Variants in DEPTOR observed in about 807,000 individuals in gnomAD.
DEPTOR encodes the protein DEP domain-containing mTOR-interacting protein.
DEPTOR carries 41 observed loss-of-function variants against 41.6 expected under a neutral mutation model. The observed-to-expected ratio is 0.98, with a 90% confidence interval of 0.77 to 1.28. The LOEUF (loss-of-function observed/expected upper bound fraction) is 1.28. DEPTOR is among the 50% of genes most tolerant of loss of function. DEPTOR has a pLI of 0.00. For missense variants in DEPTOR, 514 were observed against 527.9 expected, an observed-to-expected ratio of 0.97 and a Z score of 0.26; for synonymous variants, 195 against 192.3, an observed-to-expected ratio of 1.01 and a Z score of -0.12.
At chr8:120,031,587 A>G (rs182597479) in intron 8 of DEPTOR, among the ~76,000 whole-genome samples, 3 of 152,148 alleles carry the variant, frequency 2.0e-5, no homozygotes, top group East Asian at 1.9e-4. Flanking sequence ...ACTGCACCCC[A>G]TGCTTCCTCA....
intron 1 of DEPTOR, among the ~76,000 whole-genome samples, chr8:119,893,521 G>A (rs186676750): frequency 6.6e-6 from 1 of 152,262 alleles, no homozygotes; most frequent in African/African-American, 2.4e-5. Context: ...GTTGGTGGAT[G>A]AATCTCATAA....
chr8:120,040,000 C>T (rs1170520333), intron 8 of DEPTOR, among the ~76,000 whole-genome samples: 9 of 151,968 alleles, frequency 5.9e-5, no homozygotes, highest in South Asian at 2.1e-4. Context: ...CATGCCACCA[C>T]GCCTGGCTAA....
At chr8:119,998,639 A>G (rs1443209921) in intron 4 of DEPTOR, among the ~76,000 whole-genome samples, 2 of 152,210 alleles carry the variant, frequency 1.3e-5, no homozygotes, top group East Asian at 1.9e-4. Context: ...AGCTCCAAGA[A>G]TCATGAACTC....
At chr8:119,883,565 A>T (rs918189569) in intron 1 of DEPTOR, among the ~76,000 whole-genome samples, 61 of 151,970 alleles carry the variant, frequency 4.0e-4, no homozygotes, top group African/African-American at 1.4e-3. Flanking sequence ...AAAGGGAACA[A>T]ATGTCATGGC....
rs1812381614 is a variant in DEPTOR at position 120,003,127 on chromosome 8, G to A, written c.925+16G>A. 2 of 1,609,426 alleles carry A rather than the reference G, an allele frequency of 1.2e-6. No individual in the cohort carries two copies. The highest frequency in any genetic ancestry group is 1.3e-5 in the African/African-American group (1 of 74,958). On this transcript the variant is annotated intron_variant, in intron 6 of 8. Transcript: ENST00000286234. ...CCCAAGTCCGGTGAGTGCCCAAAAG[G>A]TGGCCCCGCTCCTAAGACTGTGGGG... is the stretch of plus-strand genomic sequence containing the variant.
intron 6 of DEPTOR, among the ~76,000 whole-genome samples, 192 bp downstream of exon 6, chr8:120,003,303 T>C (rs1002799856): frequency 9.9e-5 from 15 of 152,170 alleles, no homozygotes; most frequent in African/African-American, 3.6e-4. Flanking sequence ...TGTAGCCCAG[T>C]CTCAATGAAG....
chr8:119,881,638 A>G (rs1827299159), intron 1 of DEPTOR, among the ~76,000 whole-genome samples: 1 of 152,162 alleles, frequency 6.6e-6, no homozygotes, highest in South Asian at 2.1e-4. Context: ...ACAAGGAGAA[A>G]TAATTCATTT....
chr8:119,999,234 T>C (rs1812312667), intron 4 of DEPTOR, among the ~76,000 whole-genome samples: 1 of 148,846 alleles, frequency 6.7e-6, no homozygotes, highest in African/African-American at 2.5e-5. Context: ...ATTGTGCCAT[T>C]GCACTCCAGC....
At chr8:119,950,184 T>C (rs549828907) in intron 3 of DEPTOR, among the ~76,000 whole-genome samples, 2 of 152,250 alleles carry the variant, frequency 1.3e-5, no homozygotes, top group East Asian at 1.9e-4. Context: ...CAGTTGACCA[T>C]AGATATACCA....
intron 1 of DEPTOR, among the ~76,000 whole-genome samples, chr8:119,879,181 G>A (rs192521494): frequency 1.3e-5 from 2 of 152,182 alleles, no homozygotes; most frequent in Admixed American, 1.3e-4. Flanking sequence ...ACAGTCACAA[G>A]TGTTTGTGAG....
intron 4 of DEPTOR, among the ~76,000 whole-genome samples, chr8:119,982,013 C>T (rs537888269): frequency 5.5e-4 from 13 of 23,780 alleles, no homozygotes; most frequent in African/African-American, 1.8e-3. Context: ...GATTCCATCT[C>T]TAAAAAAAAA....
chr8:119,932,004 C>T (rs1027357899), intron 3 of DEPTOR, among the ~76,000 whole-genome samples: 2 of 148,340 alleles, frequency 1.3e-5, no homozygotes, highest in African/African-American at 5.0e-5. Flanking sequence ...TTTATAAAGA[C>T]AGGAGCTTGC....
chr8:119,887,322 G>GC (rs1372652951), intron 1 of DEPTOR, among the ~76,000 whole-genome samples: 1 of 129,276 alleles, frequency 7.7e-6, no homozygotes, highest in Non-Finnish European at 1.6e-5. Context: ...TTACAGGCAT[G>GC]CAACACCATA....
intron 1 of DEPTOR, among the ~76,000 whole-genome samples, chr8:119,906,286 T>C (rs1827662151): frequency 8.0e-6 from 1 of 124,586 alleles, no homozygotes; most frequent in African/African-American, 2.7e-5. Context: ...ACCCCATCTC[T>C]ACTAAAAATA....
chr8:119,905,637 T>C lies in DEPTOR; in HGVS notation c.123-22763T>C, dbSNP rs1353065479. Among the ~76,000 whole-genome samples, 9 of 149,912 alleles carry C rather than the reference T, an allele frequency of 6.0e-5. No homozygotes were observed. In the East Asian group the frequency reaches 1.8e-3, roughly 30 times the overall value. On this transcript the variant is annotated intron_variant, in intron 1 of 8. Coordinates refer to ENST00000286234, the MANE Select transcript of DEPTOR (RefSeq NM_022783.4). ...CAATATGGGCTTTATATGGGCTTTTTTTTTTTTTTTTGAGACAGAGTCTTG... is the reference window on the plus strand; with the variant it reads ...CAATATGGGCTTTATATGGGCTTTTCTTTTTTTTTTTGAGACAGAGTCTTG...
At chr8:119,920,113 A>G (rs1205844739) in intron 1 of DEPTOR, among the ~76,000 whole-genome samples, 1 of 151,492 alleles carries the variant, frequency 6.6e-6, no homozygotes, top group Non-Finnish European at 1.5e-5. Flanking sequence ...TTCTTAATTT[A>G]TATTTCATAG....
chr8:119,957,634 G>A (rs1828435698), intron 3 of DEPTOR, among the ~76,000 whole-genome samples: 1 of 150,808 alleles, frequency 6.6e-6, no homozygotes, highest in Admixed American at 6.6e-5. Context: ...TGTCGCCCAG[G>A]CTGGAGTGCA....
At chr8:119,931,216 TA>T (rs757397664) in intron 3 of DEPTOR, among the ~76,000 whole-genome samples, 2 of 149,760 alleles carry the variant, frequency 1.3e-5, no homozygotes, top group East Asian at 2.0e-4. Flanking sequence ...ATCTCAAAAC[TA>T]AAAAAAAACA....
intron 1 of DEPTOR, among the ~76,000 whole-genome samples, chr8:119,905,699 G>C (rs1414573375): frequency 6.6e-6 from 1 of 150,938 alleles, no homozygotes; most frequent in Non-Finnish European, 1.5e-5. Flanking sequence ...GAAGTGCAGT[G>C]GTATGATCTC....
Sources: gnomAD v4.1 joint callset for allele counts (sites outside exome capture counted in the v4.1 genomes callset) on GRCh38, gnomAD v4.1.1 for gene constraint, MANE v1.5 for transcripts, NCBI Gene and HGNC (gene_info 2026-07-23, HGNC 2026-07-21) for gene names.